Variants in ZC4H2 observed in about 807,000 individuals in gnomAD.
ZC4H2 encodes the protein zinc finger C4H2-type containing.
For missense variants in ZC4H2, 137 were observed against 173.9 expected (o/e 0.79, Z 1.19); for synonymous variants, 84 against 66.3 (o/e 1.27, Z -1.30).
At chrX:64,988,133 ATTG>A (rs1241771304) in intron 1 of ZC4H2, among the ~76,000 whole-genome samples, 3 of 109,661 alleles carry the variant, frequency 2.7e-5, no homozygotes, top group Non-Finnish European at 5.7e-5. Flanking sequence ...CCACTCTATC[ATTG>A]TTGGACATTT....
chrX:64,999,720 C>A (rs924254826), intron 1 of ZC4H2, among the ~76,000 whole-genome samples: 1 of 112,375 alleles, frequency 8.9e-6, no homozygotes, highest in African/African-American at 3.2e-5. Context: ...GCACAGCAGT[C>A]TGAAGTCGAC....
intron 1 of ZC4H2, among the ~76,000 whole-genome samples, chrX:64,952,718 A>T (rs1473028725): frequency 9.0e-6 from 1 of 110,601 alleles, no homozygotes; most frequent in Non-Finnish European, 1.9e-5. Context: ...AGCAAGAATC[A>T]ATATCGTGAA....
At chrX:64,976,590 A>G, upstream of ZC4H2, 1 of 430,792 alleles carries the variant, frequency 2.3e-6, no homozygotes, top group Non-Finnish European at 4.0e-6. Flanking sequence ...GCCAAGCGAG[A>G]CATGCCTGTT....
chrX:64,980,618 C>A (rs1423239064), upstream of ZC4H2, among the ~76,000 whole-genome samples: 1 of 111,939 alleles, frequency 8.9e-6, no homozygotes, highest in Admixed American at 9.5e-5. Flanking sequence ...TTAATCCTTG[C>A]AAAAACTTCA....
At chrX:65,005,803 C>A (rs1932644188) in intron 1 of ZC4H2, among the ~76,000 whole-genome samples, 1 of 110,353 alleles carries the variant, frequency 9.1e-6, no homozygotes, top group Non-Finnish European at 1.9e-5. Context: ...TTTTTGCAAT[C>A]TGTCCATCTG....
At chrX:64,948,757 G>A (rs1325283793) in intron 1 of ZC4H2, among the ~76,000 whole-genome samples, 1 of 111,889 alleles carries the variant, frequency 8.9e-6, no homozygotes, top group Non-Finnish European at 1.9e-5. Context: ...AGTTTTATAT[G>A]CAAGGTGTGT....
At chrX:64,997,493 T>G (rs1418590502) in intron 1 of ZC4H2, among the ~76,000 whole-genome samples, 2 of 112,904 alleles carry the variant, frequency 1.8e-5, no homozygotes, top group Non-Finnish European at 3.7e-5. Flanking sequence ...TCTTTTTATT[T>G]TCTACATGAT....
intron 1 of ZC4H2, among the ~76,000 whole-genome samples, chrX:64,951,248 A>G (rs1456776760): frequency 8.9e-6 from 1 of 112,364 alleles, no homozygotes. Context: ...TATTGTGAAT[A>G]GTGCCACAAC....
chrX:65,017,789 G>A (rs1024984533), intron 1 of ZC4H2, among the ~76,000 whole-genome samples: 11 of 111,904 alleles, frequency 9.8e-5, no homozygotes, highest in Non-Finnish European at 1.9e-4. Flanking sequence ...AAATGCTTAC[G>A]ACAATCTTAA....
intron 1 of ZC4H2, among the ~76,000 whole-genome samples, chrX:64,990,602 A>G (rs2147273093): frequency 8.9e-6 from 1 of 112,019 alleles, no homozygotes; most frequent in East Asian, 2.8e-4. Context: ...TACCTAAGAA[A>G]AAATATTGTT....
intron 1 of ZC4H2, among the ~76,000 whole-genome samples, chrX:64,944,416 T>C (rs977593081): frequency 1.8e-5 from 2 of 111,322 alleles, no homozygotes; most frequent in African/African-American, 6.5e-5. Context: ...CCCCACTCTC[T>C]TCTTGCTTCT....
chrX:64,994,193 C>T (rs1334173343), intron 1 of ZC4H2, among the ~76,000 whole-genome samples: 1 of 111,621 alleles, frequency 9.0e-6, no homozygotes, highest in African/African-American at 3.3e-5. Flanking sequence ...TAAACCTTTA[C>T]AGGTATTATT....
intron 1 of ZC4H2, among the ~76,000 whole-genome samples, chrX:64,959,896 C>T (rs1385410904): frequency 9.0e-6 from 1 of 111,090 alleles, no homozygotes; most frequent in Non-Finnish European, 1.9e-5. Flanking sequence ...TCTTAAATGA[C>T]AAAATCTGAT....
chrX:65,025,858 A>G (rs1932874366), intron 1 of ZC4H2, among the ~76,000 whole-genome samples: 2 of 112,332 alleles, frequency 1.8e-5, no homozygotes, highest in African/African-American at 6.5e-5. Context: ...TGTGATTAAA[A>G]AGTGGCTCAC....
At chrX:64,936,020 C>G (rs1330690272) in intron 1 of ZC4H2, among the ~76,000 whole-genome samples, 1 of 109,653 alleles carries the variant, frequency 9.1e-6, no homozygotes, top group Non-Finnish European at 1.9e-5. Context: ...AAGCTAAGAA[C>G]ATTGAAAAAG....
At chrX:64,922,396 G>A (rs1262955837) in intron 1 of ZC4H2, among the ~76,000 whole-genome samples, 1 of 112,367 alleles carries the variant, frequency 8.9e-6, no homozygotes, top group African/African-American at 3.2e-5. Context: ...CTTAAGCTAT[G>A]ATTGCACTAC....
At chrX:65,028,432 AGTCTT>A (rs1932902022) in intron 1 of ZC4H2, among the ~76,000 whole-genome samples, 1 of 112,240 alleles carries the variant, frequency 8.9e-6, no homozygotes, top group African/African-American at 3.2e-5. Context: ...AAAGTACAGA[AGTCTT>A]GGCTTGAGTC....
intron 1 of ZC4H2, among the ~76,000 whole-genome samples, chrX:65,026,165 C>G (rs1227080759): frequency 8.9e-6 from 1 of 111,898 alleles, no homozygotes; most frequent in Non-Finnish European, 1.9e-5. Flanking sequence ...GTCATGCCAT[C>G]TGACCTATAA....
At chrX:64,990,307 G>A (rs1444977708) in intron 1 of ZC4H2, among the ~76,000 whole-genome samples, 2 of 111,918 alleles carry the variant, frequency 1.8e-5, no homozygotes, top group Non-Finnish European at 3.8e-5. Context: ...TTCTGGGAAT[G>A]ACAAAATCAT....
Sources: allele counts gnomAD v4.1 joint callset (sites outside exome capture counted in the v4.1 genomes callset), GRCh38; gene constraint gnomAD v4.1.1; transcripts MANE v1.5; gene names NCBI Gene and HGNC (gene_info 2026-07-23, HGNC 2026-07-21).